Variants in CENPF observed in about 807,000 individuals in gnomAD.
CENPF encodes AH antigen.
A neutral mutation model predicts 307.3 loss-of-function variants in CENPF; 214 were observed. The ratio of observed to expected loss-of-function variants is 0.70; its 90% CI spans 0.62 to 0.78. The LOEUF (loss-of-function observed/expected upper bound fraction) is 0.78. Among genes scored for constraint, CENPF ranks in the 30% least tolerant of loss-of-function variants. CENPF has a pLI of 0.00. For synonymous variants in CENPF, 1,259 were observed against 1,270.6 expected (o/e 0.99, Z 0.19); for missense variants, 3,401 against 3,483.9 (o/e 0.98, Z 0.60).
intron 10 of CENPF, among the ~76,000 whole-genome samples, chr1:214,633,133 T>C (rs35993967): frequency 0.36 from 55,454 of 152,132 alleles, 12,727 homozygotes; most frequent in Non-Finnish European, 0.53. Flanking sequence ...CAATTGTCAA[T>C]TATATGACTC....
intron 14 of CENPF, 138 bp downstream of exon 14, chr1:214,648,965 A>G (rs1341528820): frequency 3.6e-6 from 3 of 839,836 alleles, no homozygotes; most frequent in Admixed American, 2.9e-5. Context: ...TGCTTATGTC[A>G]TAATCTGATT....
Position 214,642,570 on chromosome 1 carries a change from T to G in CENPF, c.4232T>G (p.Phe1411Cys). 1 of 1,610,184 alleles carries G rather than the reference T, an allele frequency of 6.2e-7. No individual in the cohort carries two copies. Among genetic ancestry groups the G allele is most frequent in the African/African-American group, 1.3e-5 (1 of 74,836 alleles). Residue 1411 changes from phenylalanine (F) to cysteine (C), a missense_variant, in exon 12 of 20, where the codon TTC (phenylalanine) becomes TGC (cysteine). Phe to Cys is a radical substitution (Grantham distance 205). Coordinates refer to ENST00000366955, the MANE Select transcript of CENPF (RefSeq NM_016343.4). Reference protein sequence around the residue: ...QMHFAELQEKFLSLQSEHKIL... With the variant: ...QMHFAELQEKCLSLQSEHKIL... ...CACTTTGCCGAATTGCAAGAGAAAT[T>G]CTTATCTTTACAAAGTGAACACAAA...
intron 1 of CENPF, chr1:214,608,502 C>T (rs1245907197): frequency 2.5e-6 from 4 of 1,612,252 alleles, no homozygotes; most frequent in Admixed American, 1.7e-5. Flanking sequence ...AGAAGAGGAC[C>T]GTGTACCTGG....
In CENPF at chr1:214,663,767, C is replaced by A. The variant is rs7289; in HGVS notation, c.9318C>A (p.Asn3106Lys). The change falls in exon 20 of 20, where the codon AAC (asparagine) becomes AAA (lysine). Residue 3106 changes from asparagine to lysine, a missense_variant. Physicochemically the swap from Asn to Lys is moderately conservative, Grantham distance 94 (BLOSUM62 0). Coordinates refer to ENST00000366955, the MANE Select transcript of CENPF (RefSeq NM_016343.4). ...VPSPKAGLES[N>K]GSENCKVQ ...GCCCCAAAGCTGGACTGGAGTCCAACGGCAGTGAGAACTGTAAGGTCCAGT... is the reference window on the plus strand; with the variant it reads ...GCCCCAAAGCTGGACTGGAGTCCAAAGGCAGTGAGAACTGTAAGGTCCAGT... 1 of 1,613,618 alleles carries A rather than the reference C, an allele frequency of 6.2e-7. No individual in the cohort carries two copies. Among genetic ancestry groups the A allele is most frequent in the African/African-American group, 1.3e-5 (1 of 74,948 alleles).
chr1:214,636,309 T>G (rs1657965647), intron 10 of CENPF, among the ~76,000 whole-genome samples: 1 of 152,214 alleles, frequency 6.6e-6, no homozygotes, highest in Non-Finnish European at 1.5e-5. Context: ...TCAATAACAT[T>G]GTTGCACCTT....
chr1:214,645,349 G>T lies in CENPF; in HGVS notation c.5779G>T (p.Val1927Leu). Residue 1927 changes from valine to leucine, a missense_variant, in exon 13 of 20, where the codon GTA (valine) becomes TTA (leucine). Physicochemically the swap from Val to Leu is conservative, Grantham distance 32. Coordinates refer to ENST00000366955, the MANE Select transcript of CENPF (RefSeq NM_016343.4). ...CCTCTACCTGGAGGCTGACTTAGAG[G>T]TAGTTCAAACAGAGAAGCTATGTTT... ...EALYLEADLE[V>L]VQTEKLCLEK... The T allele has an allele frequency of 1.9e-6, 3 of 1,614,102 alleles. No homozygotes were observed. Among genetic ancestry groups the T allele is most frequent in the Non-Finnish European group, 2.5e-6 (3 of 1,180,026 alleles).
chr1:214,624,056 C>G (rs2102541905), intron 7 of CENPF, among the ~76,000 whole-genome samples: 1 of 152,184 alleles, frequency 6.6e-6, no homozygotes, highest in South Asian at 2.1e-4. Flanking sequence ...AAAATAATAG[C>G]TTGTTAATGT....
At position 214,658,882 on chromosome 1, in the gene CENPF, C is replaced by T. The variant is rs1041904240; in HGVS notation, c.8995C>T (p.Pro2999Ser). 5 of 1,614,028 alleles carry T rather than the reference C, an allele frequency of 3.1e-6. No homozygotes were observed. In the East Asian group the frequency reaches 6.7e-5, roughly 22 times the overall value. ...TGACATCCCGACAGGAAAGACTAGC[C>T]CATATATCCTGCGAAGAACAACCAT... is the stretch of plus-strand genomic sequence containing the variant. ...FADIPTGKTSPYILRRTTMAT... is the reference protein window; with the variant it reads ...FADIPTGKTSSYILRRTTMAT... Residue 2999 changes from proline (P) to serine (S), a missense_variant, in exon 19 of 20, where the codon CCA (proline) becomes TCA (serine). Transcript: ENST00000366955.
chr1:214,633,923 A>G (rs1452158195), intron 10 of CENPF, among the ~76,000 whole-genome samples: 1 of 152,236 alleles, frequency 6.6e-6, no homozygotes, highest in East Asian at 1.9e-4. Flanking sequence ...CCTTTCAGCC[A>G]GGAACTCTCC....
In CENPF at chr1:214,659,320, A is replaced by G. The variant is rs1658734680; in HGVS notation, c.9141+292A>G. 6.6e-6 allele frequency among the ~76,000 whole-genome samples: 1 copy of G among 152,146 alleles called. No individual in the cohort carries two copies. Among genetic ancestry groups the G allele is most frequent in the Admixed American group, 6.5e-5 (1 of 15,276 alleles). On this transcript the variant is annotated intron_variant, in intron 19 of 19. Transcript: ENST00000366955. This position sits in a 1 kb window ranked among gnomAD's most constrained non-coding sequence, Gnocchi z 4.4. ...AAGAAAGTTTCAGGCGTTACTGATGAAGGATTTGAAGAGGTAATTTTCCCT... is the reference window on the plus strand; with the variant it reads ...AAGAAAGTTTCAGGCGTTACTGATGGAGGATTTGAAGAGGTAATTTTCCCT...
At chr1:214,634,989 G>T (rs1657915825) in intron 10 of CENPF, among the ~76,000 whole-genome samples, 1 of 152,188 alleles carries the variant, frequency 6.6e-6, no homozygotes, top group Non-Finnish European at 1.5e-5. Flanking sequence ...TTAACATTTA[G>T]TATCAAAGTG....
At chr1:214,620,323 C>T (rs1657470316) in intron 5 of CENPF, among the ~76,000 whole-genome samples, 1 of 152,040 alleles carries the variant, frequency 6.6e-6, no homozygotes, top group Admixed American at 6.6e-5. Context: ...CAAAGAAAAG[C>T]CAGTTTTGGA....
rs770453624 is a variant in CENPF, at chr1:214,629,127, T to G, written c.1150T>G (p.Ser384Ala). 1 of 1,609,764 alleles carries G rather than the reference T, an allele frequency of 6.2e-7. No homozygotes were observed. Among genetic ancestry groups the G allele is most frequent in the Admixed American group, 1.7e-5 (1 of 59,040 alleles). Residue 384 changes from serine to alanine, a missense_variant, in exon 8 of 20, where the codon TCT (serine) becomes GCT (alanine). Ser to Ala is a moderately conservative substitution (Grantham distance 99). Transcript: ENST00000366955. ...QRQNAESARC[S>A]LEQKIKEKEK... ...ACAAAATGCAGAAAGTGCCAGATGTTCTCTGGAACAGAAAATTAAGGAAAA... is the reference window on the plus strand; with the variant it reads ...ACAAAATGCAGAAAGTGCCAGATGTGCTCTGGAACAGAAAATTAAGGAAAA...
In CENPF at chr1:214,651,694, T is replaced by C. The variant is rs200927470; in HGVS notation, c.7984-16T>C. On this transcript the variant is annotated splice_polypyrimidine_tract_variant and intron_variant, in intron 14 of 19. Coordinates refer to ENST00000366955, the MANE Select transcript of CENPF (RefSeq NM_016343.4). ...ATGAGGAGGTGCTATTATGATTTTA[T>C]TATTTTTCTGTTTAGGATCAATTGA... 7 of 1,550,302 alleles carry C rather than the reference T, an allele frequency of 4.5e-6. No homozygotes were observed. The highest frequency in any genetic ancestry group is 6.1e-6 in the Non-Finnish European group (7 of 1,151,268).
chr1:214,616,849 CTTTCT>C (rs1558170836), intron 3 of CENPF, among the ~76,000 whole-genome samples: 52 of 6,588 alleles, frequency 7.9e-3, no homozygotes, highest in African/African-American at 0.019. Context: ...TTCTTTCTTT[CTTTCT>C]TTCTTTCTTT....
At chr1:214,615,129 T>A in intron 3 of CENPF, 101 bp downstream of exon 3, 1 of 750,552 alleles carries the variant, frequency 1.3e-6, no homozygotes, top group Non-Finnish European at 2.0e-6. Context: ...CTTTGCAATT[T>A]TTTTTCCTGG....
At chr1:214,607,919 C>G (rs1014317259) in intron 1 of CENPF, among the ~76,000 whole-genome samples, 1 of 152,200 alleles carries the variant, frequency 6.6e-6, no homozygotes, top group African/African-American at 2.4e-5. Flanking sequence ...CTGGATGCAG[C>G]AGCCTCGCCT....
chr1:214,651,791 G>T lies in CENPF; in HGVS notation c.8065G>T (p.Glu2689Ter). 1 of 1,613,612 alleles carries T rather than the reference G, an allele frequency of 6.2e-7. No homozygotes were observed. The highest frequency in any genetic ancestry group is 8.5e-7 in the Non-Finnish European group (1 of 1,179,822). Residue 2689 changes from glutamate to a stop codon, truncating the protein, a stop_gained, in exon 15 of 20, where the codon GAA becomes TAA. Coordinates refer to ENST00000366955, the MANE Select transcript of CENPF (RefSeq NM_016343.4). LOFTEE classifies it high-confidence loss of function. ...DCMHKDQVEK[E>*]GKVREEIAEY... ...CATGCACAAAGACCAGGTGGAAAAG[G>T]AAGGGAAAGTGAGAGAGGAAATAGC... is the stretch of plus-strand genomic sequence containing the variant.
chr1:214,630,741 C>A, intron 9 of CENPF, 79 bp downstream of exon 9: 1 of 1,513,930 alleles, frequency 6.6e-7, no homozygotes, highest in Non-Finnish European at 8.9e-7. Context: ...CCATAACTGA[C>A]ATATGATACT....
Sources: allele counts gnomAD v4.1 joint callset (sites outside exome capture counted in the v4.1 genomes callset), GRCh38; gene constraint gnomAD v4.1.1; non-coding constraint Gnocchi (gnomAD v3.1); transcripts MANE v1.5; gene names NCBI Gene and HGNC (gene_info 2026-07-23, HGNC 2026-07-21).